The following CTNNA3 variants were observed in gnomAD, a reference collection of about 807,000 sequenced individuals.
CTNNA3 encodes the protein catenin alpha 3, also known as catenin alpha-3.
In CTNNA3, 76 loss-of-function variants were observed where a neutral mutation model predicts 95.7. The ratio of observed to expected loss-of-function variants is 0.79; its 90% CI spans 0.66 to 0.96. The LOEUF (loss-of-function observed/expected upper bound fraction) is 0.96, where lower values mean the gene tolerates loss of function less well. CTNNA3 is among the 40% of genes least tolerant of loss of function. The pLI is 0.00. For synonymous variants in CTNNA3, 431 were observed against 374.4 expected, an observed-to-expected ratio of 1.15 and a Z score of -1.74; for missense variants, 1,191 against 1,089.8, an observed-to-expected ratio of 1.09 and a Z score of -1.31.
intron 4 of CTNNA3, among the ~76,000 whole-genome samples, chr10:67,522,454 T>TC (rs1840016933): frequency 6.6e-6 from 1 of 152,060 alleles, no homozygotes. Context: ...GCAGAATAGG[T>TC]CACCCAACAA....
At chr10:66,686,493 T>C (rs74410568) in intron 9 of CTNNA3, among the ~76,000 whole-genome samples, 1 of 152,166 alleles carries the variant, frequency 6.6e-6, no homozygotes, top group East Asian at 1.9e-4. Flanking sequence ...CATTTTCAAA[T>C]TTCAGCAATA....
chr10:66,330,498 C>T (rs986619268), intron 12 of CTNNA3, among the ~76,000 whole-genome samples: 2 of 152,046 alleles, frequency 1.3e-5, no homozygotes, highest in Non-Finnish European at 2.9e-5. Flanking sequence ...GGTTCCAAGT[C>T]TTTGCTATTG....
chr10:65,928,307 T>C (rs1484071761), intron 17 of CTNNA3, among the ~76,000 whole-genome samples: 1 of 152,182 alleles, frequency 6.6e-6, no homozygotes, highest in African/African-American at 2.4e-5. Context: ...TCATTTATGT[T>C]TGGCTCTATT....
At chr10:66,392,359 G>A (rs1416552297) in intron 11 of CTNNA3, among the ~76,000 whole-genome samples, 1 of 152,016 alleles carries the variant, frequency 6.6e-6, no homozygotes, top group Admixed American at 6.6e-5. Context: ...GAACCTGGGA[G>A]GTGGAGGTTG....
At chr10:66,536,417 G>A (rs1385800740) in intron 10 of CTNNA3, among the ~76,000 whole-genome samples, 1 of 145,602 alleles carries the variant, frequency 6.9e-6, no homozygotes, top group Non-Finnish European at 1.5e-5. Context: ...CGGAGGCAGA[G>A]ATTGCAATGA....
intron 9 of CTNNA3, among the ~76,000 whole-genome samples, chr10:66,685,740 T>G (rs986262987): frequency 1.3e-5 from 2 of 152,004 alleles, no homozygotes; most frequent in South Asian, 2.1e-4. Context: ...TGAACAATTT[T>G]TATGTATCTG....
At chr10:67,536,209 G>A (rs1318747907) in intron 4 of CTNNA3, among the ~76,000 whole-genome samples, 1 of 152,124 alleles carries the variant, frequency 6.6e-6, no homozygotes, top group Non-Finnish European at 1.5e-5. Context: ...GCCTAGAAAA[G>A]GGGAGACATA....
At chr10:66,766,065 T>C (rs1363350820) in intron 9 of CTNNA3, 199 bp downstream of exon 9, 32 of 451,476 alleles carry the variant, frequency 7.1e-5, no homozygotes, top group Non-Finnish European at 1.3e-4. Flanking sequence ...TAATAAAATA[T>C]GTGTTTAAAA....
intron 7 of CTNNA3, among the ~76,000 whole-genome samples, chr10:66,898,420 T>G (rs1431476622): frequency 1.3e-5 from 2 of 152,146 alleles, no homozygotes; most frequent in Non-Finnish European, 2.9e-5. Context: ...AGGCATCATA[T>G]TTCCTGACTT....
At chr10:67,590,220 A>T (rs1391400882) in intron 3 of CTNNA3, among the ~76,000 whole-genome samples, 1 of 152,126 alleles carries the variant, frequency 6.6e-6, no homozygotes, top group Non-Finnish European at 1.5e-5. Flanking sequence ...AGCCAAACAA[A>T]GTACTAAGGC....
intron 7 of CTNNA3, among the ~76,000 whole-genome samples, chr10:66,963,732 G>C (rs1354612871): frequency 6.6e-6 from 1 of 152,048 alleles, no homozygotes; most frequent in Non-Finnish European, 1.5e-5. Flanking sequence ...GAAAGAGCAG[G>C]GTGAGACATT....
intron 2 of CTNNA3, among the ~76,000 whole-genome samples, chr10:67,639,972 C>T (rs1047848549): frequency 1.6e-4 from 24 of 152,284 alleles, no homozygotes; most frequent in Non-Finnish European, 2.9e-4. Flanking sequence ...TCTCTCACCA[C>T]TCCTATTCAA....
chr10:66,598,027 A>G (rs1453998964), intron 10 of CTNNA3, among the ~76,000 whole-genome samples: 2 of 152,052 alleles, frequency 1.3e-5, no homozygotes, highest in Non-Finnish European at 2.9e-5. Flanking sequence ...ATCCTCAAAA[A>G]TTACTAGCAA....
At chr10:66,264,966 A>G (rs1206952066) in intron 13 of CTNNA3, among the ~76,000 whole-genome samples, 1 of 152,060 alleles carries the variant, frequency 6.6e-6, no homozygotes, top group Non-Finnish European at 1.5e-5. Context: ...CTAGAAGAGA[A>G]AACTGAAACA....
chr10:66,184,858 T>C (rs1041199474), intron 13 of CTNNA3, among the ~76,000 whole-genome samples: 12 of 152,352 alleles, frequency 7.9e-5, no homozygotes, highest in African/African-American at 2.6e-4. Flanking sequence ...TTATTATGGG[T>C]AGTGTTCACC....
At chr10:66,964,982 A>C (rs1849320231) in intron 7 of CTNNA3, among the ~76,000 whole-genome samples, 1 of 152,228 alleles carries the variant, frequency 6.6e-6, no homozygotes, top group Non-Finnish European at 1.5e-5. Flanking sequence ...GCAATAAAAT[A>C]AGATGAATTC....
Position 65,920,550 on chromosome 10 carries a change from T to G in CTNNA3, c.2468A>C (p.Lys823Thr), listed in dbSNP as rs754872577. The change falls in exon 18 of 18, where the codon AAA becomes ACA. Residue 823 changes from lysine to threonine, a missense_variant. Physicochemically the swap from Lys to Thr is moderately conservative, Grantham distance 78. Coordinates refer to ENST00000433211, the MANE Select transcript of CTNNA3 (RefSeq NM_013266.4). ...NLMNAVVQTV[K>T]MSYIASTKII... ...CTTGGTTGAGGCAATGTAAGACATT[T>G]TCACTGTTTGCACTACAGCATTCAT... 1.2e-6 allele frequency: 2 copies of G among 1,614,220 alleles called. No homozygotes were observed. The highest frequency in any genetic ancestry group is 3.3e-5 in the Admixed American group (2 of 60,028).
intron 7 of CTNNA3, among the ~76,000 whole-genome samples, chr10:66,808,796 T>G (rs986789315): frequency 6.6e-6 from 1 of 152,184 alleles, no homozygotes; most frequent in Non-Finnish European, 1.5e-5. Flanking sequence ...TGTGTTCCAA[T>G]AATCCTTATT....
intron 7 of CTNNA3, among the ~76,000 whole-genome samples, chr10:67,087,548 A>G (rs1442748565): frequency 1.3e-5 from 2 of 151,856 alleles, no homozygotes; most frequent in Non-Finnish European, 2.9e-5. Flanking sequence ...AAAATAAAAT[A>G]AAGTTTTAAA....
Sources: allele counts gnomAD v4.1 joint callset (sites outside exome capture counted in the v4.1 genomes callset), GRCh38; gene constraint gnomAD v4.1.1; transcripts MANE v1.5; gene names NCBI Gene and HGNC (gene_info 2026-07-23, HGNC 2026-07-21).